The following B3GALT1 variants were observed in gnomAD, a reference collection of about 807,000 sequenced individuals.
B3GALT1 encodes the protein UDP-Gal:betaGlcNAc beta 1,3-galactosyltransferase, polypeptide 1.
In B3GALT1, 10 loss-of-function variants were observed where a neutral mutation model predicts 23.2. The ratio of observed to expected loss-of-function variants is 0.43; its 90% CI spans 0.27 to 0.73. The LOEUF (loss-of-function observed/expected upper bound fraction) is 0.73. Ranked by LOEUF, B3GALT1 falls within the 30% of genes least tolerant of loss-of-function variation. B3GALT1 has a pLI of 0.21. For synonymous variants in B3GALT1, 156 were observed against 141.5 expected, an observed-to-expected ratio of 1.10 and a Z score of -0.73; for missense variants, 299 against 405.4, an observed-to-expected ratio of 0.74 and a Z score of 2.25.
chr2:167,731,370 T>C (rs993315131), intron 3 of B3GALT1, among the ~76,000 whole-genome samples: 2 of 152,190 alleles, frequency 1.3e-5, no homozygotes, highest in Admixed American at 1.3e-4. Context: ...CCAGATGATA[T>C]TTCTCTGCAC....
intron 3 of B3GALT1, among the ~76,000 whole-genome samples, chr2:167,797,720 G>GTTTT (rs1022379605): frequency 6.6e-6 from 1 of 150,660 alleles, no homozygotes; most frequent in Non-Finnish European, 1.5e-5. Flanking sequence ...GTTTTGTTTT[G>GTTTT]TTTTTTGAGA....
At chr2:167,318,829 A>C (rs1696760037) in intron 1 of B3GALT1, among the ~76,000 whole-genome samples, 1 of 152,150 alleles carries the variant, frequency 6.6e-6, no homozygotes, top group South Asian at 2.1e-4. Flanking sequence ...GAAGCCCAGA[A>C]ATGTCTCTCT....
At chr2:167,562,563 G>C (rs939975514) in intron 2 of B3GALT1, among the ~76,000 whole-genome samples, 1 of 151,886 alleles carries the variant, frequency 6.6e-6, no homozygotes, top group African/African-American at 2.4e-5. Flanking sequence ...AAACCCCATT[G>C]TGTCAGCCCA....
At chr2:167,299,171 A>G (rs963123018) in intron 1 of B3GALT1, among the ~76,000 whole-genome samples, 3 of 152,196 alleles carry the variant, frequency 2.0e-5, no homozygotes, top group Non-Finnish European at 2.9e-5. Flanking sequence ...ACACATATAG[A>G]TGACATCAGG....
At chr2:167,862,582 C>T (rs547061432) in intron 4 of B3GALT1, 3 of 152,316 alleles carry the variant, frequency 2.0e-5, no homozygotes, top group South Asian at 2.1e-4. Context: ...TCTGGGCACC[C>T]CTTAGCCCAG....
chr2:167,868,598 C>A (rs978299807), intron 4 of B3GALT1, among the ~76,000 whole-genome samples: 1 of 151,440 alleles, frequency 6.6e-6, no homozygotes, highest in Non-Finnish European at 1.5e-5. Flanking sequence ...CTATGTATTT[C>A]TTAATTGGGT....
At chr2:167,304,769 G>C (rs1051217021) in intron 1 of B3GALT1, among the ~76,000 whole-genome samples, 24 of 152,110 alleles carry the variant, frequency 1.6e-4, no homozygotes, top group African/African-American at 5.8e-4. Context: ...AGGGGACCAA[G>C]AATTCTCATA....
intron 4 of B3GALT1, among the ~76,000 whole-genome samples, chr2:167,820,126 G>C (rs892033856): frequency 3.3e-5 from 5 of 152,152 alleles, no homozygotes; most frequent in Admixed American, 6.5e-5. Context: ...GTACTTTTGA[G>C]AACAGCTTTA....
At chr2:167,503,044 A>C (rs1262005965) in intron 2 of B3GALT1, among the ~76,000 whole-genome samples, 2 of 152,122 alleles carry the variant, frequency 1.3e-5, no homozygotes, top group Admixed American at 1.3e-4. Flanking sequence ...TGTCTCAAAA[A>C]ATATATATAA....
At chr2:167,495,997 G>A (rs1699778532) in intron 2 of B3GALT1, among the ~76,000 whole-genome samples, 1 of 152,160 alleles carries the variant, frequency 6.6e-6, no homozygotes, top group Non-Finnish European at 1.5e-5. Flanking sequence ...GAACATGAAA[G>A]TAGAAGAAAG....
chr2:167,460,208 C>T (rs1699236369), intron 1 of B3GALT1, among the ~76,000 whole-genome samples: 1 of 152,144 alleles, frequency 6.6e-6, no homozygotes, highest in Non-Finnish European at 1.5e-5. Context: ...CTACCCCTTC[C>T]TCTCACTTTT....
At chr2:167,811,833 A>G (rs1433014730) in intron 3 of B3GALT1, among the ~76,000 whole-genome samples, 2 of 152,114 alleles carry the variant, frequency 1.3e-5, no homozygotes, top group Admixed American at 1.3e-4. Context: ...CACTTAAGTC[A>G]GGAGGAGGAT....
intron 1 of B3GALT1, among the ~76,000 whole-genome samples, chr2:167,454,478 G>T (rs1277506570): frequency 6.6e-6 from 1 of 152,152 alleles, no homozygotes. Flanking sequence ...GGAGTCTAGG[G>T]AGCTGTACAG....
chr2:167,563,819 G>A (rs1208198736), intron 2 of B3GALT1, among the ~76,000 whole-genome samples: 5 of 141,974 alleles, frequency 3.5e-5, no homozygotes, highest in Non-Finnish European at 6.2e-5. Flanking sequence ...GCGGCTGGCC[G>A]GGCAGAGAGG....
At chr2:167,657,454 G>T (rs1273955166) in intron 3 of B3GALT1, among the ~76,000 whole-genome samples, 1 of 152,016 alleles carries the variant, frequency 6.6e-6, no homozygotes, top group Non-Finnish European at 1.5e-5. Context: ...AGACACTGCC[G>T]GCATGTCCCC....
At chr2:167,836,696 A>C (rs1014531758) in intron 4 of B3GALT1, among the ~76,000 whole-genome samples, 1 of 152,264 alleles carries the variant, frequency 6.6e-6, no homozygotes, top group East Asian at 1.9e-4. Context: ...GATAATCCTC[A>C]AGAAGAGCAA....
rs1199739136 is a variant in B3GALT1 at position 167,869,319 on chromosome 2, C to T, written c.280C>T (p.Arg94Cys). The T allele has an allele frequency of 1.9e-6, 3 of 1,614,072 alleles. No homozygotes were observed. Among genetic ancestry groups the T allele is most frequent in the African/African-American group, 1.3e-5 (1 of 75,014 alleles). Residue 94 changes from arginine to cysteine, a missense_variant, in exon 5 of 5, where the codon CGT becomes TGT. By Grantham distance (180) the Arg-to-Cys change is radical. Transcript: ENST00000392690. The surrounding 1 kb of genome is among the most constrained non-coding windows in gnomAD (Gnocchi z 6.4). ...ISTTHKEFDA[R>C]QAIRETWGDE... ...CACCACTCACAAGGAATTTGATGCC[C>T]GTCAGGCAATCAGAGAGACGTGGGG...
intron 1 of B3GALT1, among the ~76,000 whole-genome samples, chr2:167,460,671 G>A (rs1699246548): frequency 6.6e-6 from 1 of 150,860 alleles, no homozygotes. Flanking sequence ...TTTATGCCTT[G>A]TGATTTTTTT....
chr2:167,611,651 T>C (rs753740262), intron 2 of B3GALT1, among the ~76,000 whole-genome samples: 4 of 151,936 alleles, frequency 2.6e-5, no homozygotes, highest in Non-Finnish European at 4.4e-5. Flanking sequence ...GTAAAAGGGG[T>C]ATATCTGTGA....
Sources: gnomAD v4.1 joint callset for allele counts (sites outside exome capture counted in the v4.1 genomes callset) on GRCh38, gnomAD v4.1.1 for gene constraint, Gnocchi (gnomAD v3.1) non-coding constraint, MANE v1.5 for transcripts, NCBI Gene and HGNC (gene_info 2026-07-23, HGNC 2026-07-21) for gene names.